The following PWP1 variants were observed in gnomAD, a reference collection of about 807,000 sequenced individuals.
The protein encoded by PWP1 is periodic tryptophan protein 1 homolog.
PWP1 carries 47 observed loss-of-function variants against 69.9 expected under a neutral mutation model. That is an observed-to-expected ratio of 0.67 (90% CI 0.53 to 0.86). The LOEUF (loss-of-function observed/expected upper bound fraction) is 0.86, where lower values mean the gene tolerates loss of function less well. Among genes scored for constraint, PWP1 ranks in the 40% least tolerant of loss-of-function variants. PWP1 has a pLI of 0.00. For missense variants in PWP1, 551 were observed against 608.8 expected, an observed-to-expected ratio of 0.91 and a Z score of 1.00; for synonymous variants, 222 against 208.2, an observed-to-expected ratio of 1.07 and a Z score of -0.57.
At chr12:107,700,572 G>A (rs182692948) in intron 8 of PWP1, among the ~76,000 whole-genome samples, 2 of 152,130 alleles carry the variant, frequency 1.3e-5, no homozygotes, top group East Asian at 1.9e-4. Context: ...GTTCATTTAC[G>A]TGTGGTCACC....
At position 107,696,562 on chromosome 12, in the gene PWP1, T is replaced by C; in HGVS notation, c.591T>C (p.Asp197=). 6.2e-7 allele frequency: 1 copy of C among 1,614,174 alleles called. No homozygotes were observed. The highest frequency in any genetic ancestry group is 8.5e-7 in the Non-Finnish European group (1 of 1,180,016). Reference sequence around the variant, plus strand: ...TGAGTGTGGAATGGCTGAATTTTGATCCTAGCCCAGATGATTCTACTGGTA... The same window carrying C: ...TGAGTGTGGAATGGCTGAATTTTGACCCTAGCCCAGATGATTCTACTGGTA... ...YPLSVEWLNF[D]PSPDDSTGNY... Residue 197 remains aspartate, a synonymous_variant, in exon 6 of 15, where the codon GAT becomes GAC. Coordinates refer to ENST00000412830, the MANE Select transcript of PWP1 (RefSeq NM_007062.3).
At chr12:107,689,867 A>G (rs1889447091) in intron 3 of PWP1, among the ~76,000 whole-genome samples, 1 of 152,194 alleles carries the variant, frequency 6.6e-6, no homozygotes. Flanking sequence ...AACTACCTAT[A>G]TTGCTCTTCT....
Position 107,688,730 on chromosome 12 carries a change from G to A in PWP1, c.247G>A (p.Asp83Asn), listed in dbSNP as rs767204466. The change falls in exon 3 of 15, where the codon GAT (aspartate) becomes AAT (asparagine). Residue 83 changes from aspartate to asparagine, a missense_variant. Coordinates refer to ENST00000412830, the MANE Select transcript of PWP1 (RefSeq NM_007062.3). ...REPLEDGDPEDDRTLDDDELA... is the reference protein window; with the variant it reads ...REPLEDGDPENDRTLDDDELA... ...GCCCCTGGAGGATGGTGACCCAGAGGATGACAGGACGCTTGATGATGATGA... is the reference window on the plus strand; with the variant it reads ...GCCCCTGGAGGATGGTGACCCAGAGAATGACAGGACGCTTGATGATGATGA... 1 of 1,614,224 alleles carries A rather than the reference G, an allele frequency of 6.2e-7. No individual in the cohort carries two copies. Among genetic ancestry groups the A allele is most frequent in the Non-Finnish European group, 8.5e-7 (1 of 1,180,048 alleles).
rs1036159959 is a variant in PWP1 at position 107,700,707 on chromosome 12, T to A, written c.806+1273T>A. On this transcript the variant is annotated intron_variant, in intron 8 of 14. Transcript: ENST00000412830. The stretch of plus-strand genomic sequence containing the variant: ...ACCCAGAAGCGTTATTACTGAATCT[T>A]ATGGTAATTCTATTTTTAATTTTTT... 5.9e-5 allele frequency among the ~76,000 whole-genome samples: 9 copies of A among 152,308 alleles called. No individual in the cohort carries two copies. In the South Asian group the frequency reaches 8.3e-4, roughly 14 times the overall value.
chr12:107,707,543 T>A (rs191138861), intron 11 of PWP1, among the ~76,000 whole-genome samples: 1 of 152,344 alleles, frequency 6.6e-6, no homozygotes, highest in East Asian at 1.9e-4. Flanking sequence ...TTGTCATAAA[T>A]AGCTCTTATT....
intron 11 of PWP1, 149 bp downstream of exon 11, chr12:107,704,896 T>A (rs541768187): frequency 3.3e-5 from 19 of 583,080 alleles, no homozygotes; most frequent in South Asian, 1.4e-4. Context: ...TGTTTTTTTT[T>A]AAATAAGAGA....
At chr12:107,686,132 C>A in intron 1 of PWP1, 161 bp downstream of exon 1, 1 of 735,300 alleles carries the variant, frequency 1.4e-6, no homozygotes, top group Non-Finnish European at 2.3e-6. Flanking sequence ...AGCTGCAGTT[C>A]AGAAGGTCTG....
In PWP1 at chr12:107,704,024, G is replaced by A. The variant is rs531470721; in HGVS notation, c.965+278G>A. Among the ~76,000 whole-genome samples the A allele has an allele frequency of 7.9e-5, 12 of 152,304 alleles. No individual in the cohort carries two copies. The South Asian group carries it at 2.1e-3, about 26-fold the overall frequency. ...AGAATTTCCATGTCACATGACAGAGGGCATGGATATAGGGAGACATGAAGA... is the reference window on the plus strand; with the variant it reads ...AGAATTTCCATGTCACATGACAGAGAGCATGGATATAGGGAGACATGAAGA... On this transcript the variant is annotated intron_variant, in intron 10 of 14. Coordinates refer to ENST00000412830, the MANE Select transcript of PWP1 (RefSeq NM_007062.3).
In PWP1 at chr12:107,688,453, G is replaced by A; in HGVS notation, c.78G>A (p.Glu26=). The change falls in exon 2 of 15, where the codon GAG becomes GAA. Residue 26 remains glutamate (E), a synonymous_variant. Coordinates refer to ENST00000412830, the MANE Select transcript of PWP1 (RefSeq NM_007062.3). ...AAATCTTTGCTCTCTTACAGGTAGA[G>A]CTGAGTAAAGAAGAAGTAAAACGCC... ...GVAKETPDKV[E]LSKEEVKRLI... 6.2e-7 allele frequency: 1 copy of A among 1,613,738 alleles called. No individual in the cohort carries two copies. The highest frequency in any genetic ancestry group is 8.5e-7 in the Non-Finnish European group (1 of 1,179,892).
intron 11 of PWP1, among the ~76,000 whole-genome samples, chr12:107,705,487 A>G (rs1459159544): frequency 2.0e-5 from 3 of 151,120 alleles, no homozygotes; most frequent in East Asian, 2.0e-4. Context: ...TGTCATTTAC[A>G]TTAGGTATAT....
chr12:107,694,678 C>T (rs1889548049), intron 5 of PWP1, among the ~76,000 whole-genome samples: 1 of 152,078 alleles, frequency 6.6e-6, no homozygotes, highest in African/African-American at 2.4e-5. Flanking sequence ...AAATTGAGAA[C>T]CTATTAGAGT....
chr12:107,711,199 T>C (rs956019973), intron 14 of PWP1, among the ~76,000 whole-genome samples: 1 of 152,234 alleles, frequency 6.6e-6, no homozygotes, highest in Admixed American at 6.5e-5. Flanking sequence ...AGCAGGAACA[T>C]GCCCTTAAGA....
intron 10 of PWP1, 136 bp from the exon 11 acceptor site, chr12:107,704,500 T>C: frequency 1.7e-6 from 1 of 601,918 alleles, no homozygotes. Context: ...ATTTTTTTTC[T>C]ACTTTATTTA....
intron 3 of PWP1, among the ~76,000 whole-genome samples, chr12:107,690,858 T>TA (rs1017358607): frequency 3.8e-4 from 57 of 151,776 alleles, no homozygotes; most frequent in African/African-American, 1.2e-3. Context: ...ATACAACATT[T>TA]AAAAAAAAAT....
intron 1 of PWP1, 94 bp from the exon 2 acceptor site, chr12:107,688,354 T>A (rs1889414267): frequency 1.1e-5 from 12 of 1,088,152 alleles, no homozygotes; most frequent in African/African-American, 1.6e-5. Flanking sequence ...TTGCTTGGCG[T>A]TACATTTTAC....
intron 7 of PWP1, among the ~76,000 whole-genome samples, 184 bp from the exon 8 acceptor site, chr12:107,699,189 G>A (rs773738723): frequency 2.0e-5 from 3 of 152,190 alleles, no homozygotes; most frequent in Non-Finnish European, 4.4e-5. Flanking sequence ...AATCCAGGAG[G>A]TGGAGGTTGC....
At chr12:107,691,318 T>C (rs1889475811) in intron 3 of PWP1, among the ~76,000 whole-genome samples, 1 of 152,184 alleles carries the variant, frequency 6.6e-6, no homozygotes, top group African/African-American at 2.4e-5. Flanking sequence ...CTGGGAAGTC[T>C]GGAAGAAAGA....
At position 107,701,429 on chromosome 12, in the gene PWP1, G is replaced by T. The variant is rs535180199; in HGVS notation, c.807-1506G>T. Among the ~76,000 whole-genome samples, 4 of 152,238 alleles carry T rather than the reference G, an allele frequency of 2.6e-5. No individual in the cohort carries two copies. The East Asian group carries it at 7.7e-4, about 29-fold the overall frequency. Reference sequence around the variant, plus strand: ...CACTTTCTTGGTGCTATCATTTGCAGCACAGGTTTTTCATGTGATGGTGTC... The same window carrying T: ...CACTTTCTTGGTGCTATCATTTGCATCACAGGTTTTTCATGTGATGGTGTC... On this transcript the variant is annotated intron_variant, in intron 8 of 14. Coordinates refer to ENST00000412830, the MANE Select transcript of PWP1 (RefSeq NM_007062.3).
intron 13 of PWP1, among the ~76,000 whole-genome samples, chr12:107,709,584 A>G (rs1889902748): frequency 6.6e-6 from 1 of 150,514 alleles, no homozygotes; most frequent in African/African-American, 2.4e-5. Flanking sequence ...CACCGTAGCT[A>G]TTAGGGTCAG....
Sources: allele counts gnomAD v4.1 joint callset (sites outside exome capture counted in the v4.1 genomes callset), GRCh38; gene constraint gnomAD v4.1.1; transcripts MANE v1.5; gene names NCBI Gene and HGNC (gene_info 2026-07-23, HGNC 2026-07-21).